Variants in CXCR6 observed in about 807,000 individuals in gnomAD.
CXCR6 encodes the protein C-X-C chemokine receptor type 6.
Under a neutral mutation model 1.6 loss-of-function variants are expected in CXCR6, and 3 were observed. The observed-to-expected ratio is 1.83, with a 90% CI of 0.83 to 4.72. CXCR6 has a LOEUF of 4.72. CXCR6 is among the 30% of genes most tolerant of loss of function. The pLI, the probability that CXCR6 is intolerant of heterozygous loss-of-function variation, is 0.02. For synonymous variants in CXCR6, 171 were observed against 159.2 expected (o/e 1.07, Z -0.56); for missense variants, 326 against 414.8 (o/e 0.79, Z 1.86).
rs1238857286 is a variant in CXCR6, at chr3:45,946,561, T to G, written c.80T>G (p.Leu27Arg). 2 of 1,614,236 alleles carry G rather than the reference T, an allele frequency of 1.2e-6. No individual in the cohort carries two copies. Among genetic ancestry groups the G allele is most frequent in the South Asian group, 1.1e-5 (1 of 91,086 alleles). ...DSSQEEHQDF[L>R]QFSKVFLPCM... ...AGCCAGGAGGAGCATCAAGACTTCCTGCAGTTCAGCAAGGTCTTTCTGCCC... is the reference window on the plus strand; with the variant it reads ...AGCCAGGAGGAGCATCAAGACTTCCGGCAGTTCAGCAAGGTCTTTCTGCCC... Residue 27 changes from leucine to arginine, a missense_variant, in exon 2 of 2, where the codon CTG becomes CGG. Physicochemically the swap from Leu to Arg is moderately radical, Grantham distance 102 (BLOSUM62 -2). Coordinates refer to ENST00000304552, the MANE Select transcript of CXCR6 (RefSeq NM_006564.2).
chr3:45,942,861 G>A (rs543507973), upstream of CXCR6, among the ~76,000 whole-genome samples: 9 of 152,328 alleles, frequency 5.9e-5, no homozygotes, highest in African/African-American at 1.7e-4. Context: ...GGGCTTAGGA[G>A]GTGGGGCTGC....
Position 45,946,464 on chromosome 3 carries a change from T to G in CXCR6, c.-18T>G, listed in dbSNP as rs748422204. 1 of 1,597,436 alleles carries G rather than the reference T, an allele frequency of 6.3e-7. No individual in the cohort carries two copies. Among genetic ancestry groups the G allele is most frequent in the Non-Finnish European group, 8.6e-7 (1 of 1,168,150 alleles). The stretch of plus-strand genomic sequence containing the variant: ...ATTCCTGGGTTCTGACTCACAGGTG[T>G]TCATCAGAACAGACACCATGGCAGA... On this transcript the variant is annotated 5_prime_UTR_variant, in exon 2 of 2. Transcript: ENST00000304552.
chr3:45,947,306 C>T lies in CXCR6; in HGVS notation c.825C>T (p.Ala275=). 1.2e-6 allele frequency: 2 copies of T among 1,614,156 alleles called. No homozygotes were observed. The highest frequency in any genetic ancestry group is 1.7e-6 in the Non-Finnish European group (2 of 1,180,046). The change falls in exon 2 of 2, where the codon GCC becomes GCT. Residue 275 remains alanine (A), a synonymous_variant. Coordinates refer to ENST00000304552, the MANE Select transcript of CXCR6 (RefSeq NM_006564.2). ...ACTACACCATCATGGTGACAGAGGCCATCGCATACCTGAGGGCCTGCCTTA... is the reference window on the plus strand; with the variant it reads ...ACTACACCATCATGGTGACAGAGGCTATCGCATACCTGAGGGCCTGCCTTA... ...SFHYTIMVTE[A]IAYLRACLNP...
intron 1 of CXCR6, chr3:45,946,142 T>A: frequency 3.9e-6 from 1 of 257,320 alleles, no homozygotes. Context: ...TGTGCCCACC[T>A]GGCAGCAAAG....
In CXCR6 at chr3:45,946,733, G is replaced by C. The variant is rs764526862; in HGVS notation, c.252G>C (p.Leu84=). The C allele has an allele frequency of 6.2e-7, 1 of 1,614,124 alleles. No individual in the cohort carries two copies. The highest frequency in any genetic ancestry group is 8.5e-7 in the Non-Finnish European group (1 of 1,180,052). ...CTGACCTGGTGTTTGTCTGCACTCT[G>C]CCCTTCTGGGCCTATGCAGGCATCC... ...PLADLVFVCT[L]PFWAYAGIHE... is the part of the protein sequence containing the mutation. Residue 84 remains leucine (L), a synonymous_variant, in exon 2 of 2, where the codon CTG becomes CTC. Transcript: ENST00000304552.
upstream of CXCR6, chr3:45,940,951 T>C (rs1351768814): frequency 6.6e-6 from 1 of 152,116 alleles, no homozygotes; most frequent in African/African-American, 2.4e-5. Context: ...CTGTACGCGG[T>C]TTCCTTCTCC....
chr3:45,943,997 A>G (rs2125817847), intron 1 of CXCR6, among the ~76,000 whole-genome samples: 1 of 152,322 alleles, frequency 6.6e-6, no homozygotes, highest in East Asian at 1.9e-4. Flanking sequence ...GAAATAAGTC[A>G]CCCATAATTC....
intron 1 of CXCR6, among the ~76,000 whole-genome samples, chr3:45,944,230 A>G (rs538643620): frequency 6.6e-6 from 1 of 152,038 alleles, no homozygotes; most frequent in East Asian, 1.9e-4. Flanking sequence ...ATATATATAC[A>G]TTATTTCTGA....
Position 45,944,214 on chromosome 3 carries a change from G to A in CXCR6, c.-22+674G>A, listed in dbSNP as rs56132221. Among the ~76,000 whole-genome samples, 495 of 151,680 alleles carry A rather than the reference G, an allele frequency of 3.3e-3. 5 individuals carry two copies. Among genetic ancestry groups the A allele is most frequent in the Admixed American group, 0.024 (359 of 15,194 alleles). On this transcript the variant is annotated intron_variant, in intron 1 of 1. Coordinates refer to ENST00000304552, the MANE Select transcript of CXCR6 (RefSeq NM_006564.2). ...TGTGTGTCTGTGTGTGTGTGTGTGT[G>A]TGTATATATATATACATTATTTCTG...
chr3:45,942,523 A>G (rs1704291637), upstream of CXCR6, among the ~76,000 whole-genome samples: 1 of 152,180 alleles, frequency 6.6e-6, no homozygotes. Flanking sequence ...GAGCCAGAGA[A>G]GGCAGGCCAG....
Position 45,947,639 on chromosome 3 carries a change from G to T in CXCR6, c.*129G>T. ...GAGAAGTTATCAGACACTCTGGCTG[G>T]TTTGGAATGCTTCTTCTCAGGCATG... On this transcript the variant is annotated 3_prime_UTR_variant, in exon 2 of 2. Transcript: ENST00000304552. The T allele has an allele frequency of 1.4e-6, 1 of 717,178 alleles. No individual in the cohort carries two copies. Among genetic ancestry groups the T allele is most frequent in the Non-Finnish European group, 2.4e-6 (1 of 422,426 alleles). 44.4% of individuals were successfully genotyped at this position (717,178 alleles called of 1,614,324 possible).
At chr3:45,940,922 C>T (rs13066048), upstream of CXCR6, 52,083 of 151,938 alleles carry the variant, frequency 0.34, 10,660 homozygotes, top group East Asian at 0.66. Context: ...CACCTTCTTC[C>T]GCTGGAGGTA....
Position 45,947,866 on chromosome 3 carries a change from G to A in CXCR6, c.*356G>A. 1 of 251,878 alleles carries A rather than the reference G, an allele frequency of 4.0e-6. No individual in the cohort carries two copies. The allele number at this position is 251,878 out of a possible 1,614,324, so 15.6% of individuals were successfully genotyped here. On this transcript the variant is annotated 3_prime_UTR_variant, in exon 2 of 2. Transcript: ENST00000304552. Reference sequence around the variant, plus strand: ...GAGCACGGCCAACAAAGCTGTTGATGGTAGGTGGCACACTGGGTGCCCAAG... The same window carrying A: ...GAGCACGGCCAACAAAGCTGTTGATAGTAGGTGGCACACTGGGTGCCCAAG...
chr3:45,947,505 T>G lies in CXCR6; in HGVS notation c.1024T>G (p.Leu342Val), dbSNP rs1704701114. 6.2e-7 allele frequency: 1 copy of G among 1,611,448 alleles called. No individual in the cohort carries two copies. The change falls in exon 2 of 2, where the codon TTA becomes GTA. Residue 342 changes from leucine (L) to valine (V), a missense_variant. Physicochemically the swap from Leu to Val is conservative, Grantham distance 32 (BLOSUM62 1). Coordinates refer to ENST00000304552, the MANE Select transcript of CXCR6 (RefSeq NM_006564.2). ...HNVEATSMFQ[L>V] ...TGTGGAGGCCACCAGCATGTTCCAGTTATAGGCCTTGCCAGGGTTTCGAGA... is the reference window on the plus strand; with the variant it reads ...TGTGGAGGCCACCAGCATGTTCCAGGTATAGGCCTTGCCAGGGTTTCGAGA...
upstream of CXCR6, among the ~76,000 whole-genome samples, chr3:45,942,074 T>C (rs1399591304): frequency 5.3e-5 from 8 of 152,240 alleles, no homozygotes; most frequent in Admixed American, 3.9e-4. Context: ...CTCACTCATT[T>C]GTACCAGTTT....
chr3:45,947,670 G>T lies in CXCR6; in HGVS notation c.*160G>T. 1 of 636,704 alleles carries T rather than the reference G, an allele frequency of 1.6e-6. No individual in the cohort carries two copies. The highest frequency in any genetic ancestry group is 2.9e-5 in the Admixed American group (1 of 34,090). The allele number at this position is 636,704 out of a possible 1,614,324, so 39.4% of individuals were successfully genotyped here. Reference sequence around the variant, plus strand: ...AATGCTTCTTCTCAGGCATGAACATGTACTGTTCTCTTCTTGAACACTCAT... The same window carrying T: ...AATGCTTCTTCTCAGGCATGAACATTTACTGTTCTCTTCTTGAACACTCAT... On this transcript the variant is annotated 3_prime_UTR_variant, in exon 2 of 2. Coordinates refer to ENST00000304552, the MANE Select transcript of CXCR6 (RefSeq NM_006564.2).
rs141408062 is a variant in CXCR6 at position 45,946,591 on chromosome 3, T to C, written c.110T>C (p.Met37Thr). ...TTCAGCAAGGTCTTTCTGCCCTGCA[T>C]GTACCTGGTGGTGTTTGTCTGTGGT... is the stretch of plus-strand genomic sequence containing the variant. ...LQFSKVFLPC[M>T]YLVVFVCGLV... is the part of the protein sequence containing the mutation. Residue 37 changes from methionine (M) to threonine (T), a missense_variant, in exon 2 of 2, where the codon ATG becomes ACG. Physicochemically the swap from Met to Thr is moderately conservative, Grantham distance 81 (BLOSUM62 -1). Coordinates refer to ENST00000304552, the MANE Select transcript of CXCR6 (RefSeq NM_006564.2). 1.5e-5 allele frequency: 24 copies of C among 1,614,100 alleles called. No individual in the cohort carries two copies. The African/African-American group carries it at 3.2e-4, about 22-fold the overall frequency.
At chr3:45,940,970 T>C (rs1047210398), upstream of CXCR6, 1 of 152,246 alleles carries the variant, frequency 6.6e-6, no homozygotes, top group African/African-American at 2.4e-5. Flanking sequence ...CCTGCTCTCC[T>C]GCTTATAGAA....
rs775601713 is a variant in CXCR6, at chr3:45,946,924, G to A, written c.443G>A (p.Gly148Asp). The change falls in exon 2 of 2, where the codon GGC becomes GAC. Residue 148 changes from glycine (G) to aspartate (D), a missense_variant. Coordinates refer to ENST00000304552, the MANE Select transcript of CXCR6 (RefSeq NM_006564.2). ...CAGCAAGCCAAGAGGATGACCTGGG[G>A]CAAGGTCACCAGCTTGCTCATCTGG... is the stretch of plus-strand genomic sequence containing the variant. ...YNQQAKRMTW[G>D]KVTSLLIWVI... The A allele has an allele frequency of 3.1e-6, 5 of 1,614,234 alleles. No individual in the cohort carries two copies. Among genetic ancestry groups the A allele is most frequent in the Non-Finnish European group, 3.4e-6 (4 of 1,180,020 alleles).
Sources: gnomAD v4.1 joint callset for allele counts (sites outside exome capture counted in the v4.1 genomes callset) on GRCh38, gnomAD v4.1.1 for gene constraint, MANE v1.5 for transcripts, NCBI Gene and HGNC (gene_info 2026-07-23, HGNC 2026-07-21) for gene names.